The following CRKL variants were observed in gnomAD, a reference collection of about 807,000 sequenced individuals.
CRKL encodes the protein CRK like proto-oncogene, adaptor protein.
CRKL carries 3 observed loss-of-function variants against 23.0 expected under a neutral mutation model. The observed-to-expected ratio is 0.13, with a 90% CI of 0.06 to 0.34. The LOEUF (loss-of-function observed/expected upper bound fraction) is 0.34, where lower values mean the gene tolerates loss of function less well. Among genes scored for constraint, CRKL ranks in the 10% least tolerant of loss-of-function variants. The probability of loss-of-function intolerance (pLI) is 1.00; values close to 1 mark genes in which losing one functional copy is unlikely to be tolerated. For missense variants in CRKL, 256 were observed against 394.5 expected (o/e 0.65, Z 2.97); for synonymous variants, 188 against 160.7 (o/e 1.17, Z -1.28).
chr22:20,931,321 C>G (rs1448878029), intron 1 of CRKL, among the ~76,000 whole-genome samples: 1 of 152,126 alleles, frequency 6.6e-6, no homozygotes. Flanking sequence ...GTGGGAGGAT[C>G]ACTTGAGCTT....
In CRKL at chr22:20,941,760, G is replaced by C. The variant is rs373681471; in HGVS notation, c.777+7516G>C. On this transcript the variant is annotated intron_variant, in intron 2 of 2. Coordinates refer to ENST00000354336, the MANE Select transcript of CRKL (RefSeq NM_005207.4). ...AGGTGCCCGCCACCAGGCCGGGCTA[G>C]TTTTTGTATTTCTAGTAGAGATGGG... is the stretch of plus-strand genomic sequence containing the variant. 3.7e-4 allele frequency among the ~76,000 whole-genome samples: 56 copies of C among 150,980 alleles called. 1 individual carries two copies. Among genetic ancestry groups the C allele is most frequent in the African/African-American group, 1.3e-3 (55 of 41,108 alleles).
chr22:20,923,606 T>C (rs1921073668), intron 1 of CRKL, among the ~76,000 whole-genome samples: 1 of 129,602 alleles, frequency 7.7e-6, no homozygotes, highest in African/African-American at 3.0e-5. Context: ...GACAGAGTCT[T>C]GCTCTGTTGC....
intron 1 of CRKL, among the ~76,000 whole-genome samples, chr22:20,931,784 G>A (rs1216519925): frequency 1.3e-5 from 2 of 151,992 alleles, no homozygotes; most frequent in Non-Finnish European, 2.9e-5. Flanking sequence ...TACTACTCTT[G>A]CTAGCTATTT....
intron 2 of CRKL, among the ~76,000 whole-genome samples, chr22:20,936,255 C>T (rs972399810): frequency 6.6e-6 from 1 of 152,200 alleles, no homozygotes; most frequent in Non-Finnish European, 1.5e-5. Flanking sequence ...AATCCTGACT[C>T]ACCAAACAGC....
intron 1 of CRKL, among the ~76,000 whole-genome samples, 157 bp from the exon 2 acceptor site, chr22:20,933,622 C>T (rs913407788): frequency 1.3e-5 from 2 of 151,774 alleles, no homozygotes; most frequent in South Asian, 2.1e-4. Flanking sequence ...GAGCTAAGAT[C>T]ACGCTATTGC....
chr22:20,917,692 C>T lies in CRKL; in HGVS notation c.-243C>T, dbSNP rs1023934457. On this transcript the variant is annotated 5_prime_UTR_variant, in exon 1 of 3. Coordinates refer to ENST00000354336, the MANE Select transcript of CRKL (RefSeq NM_005207.4). ...GGCTCGGGTTTGCCTGCCCCGACCC[C>T]CCGGCTCTGCCGTGCATTCCCGGGC... The T allele has an allele frequency of 5.6e-5, 30 of 538,812 alleles. No homozygotes were observed. The highest frequency in any genetic ancestry group is 5.0e-4 in the African/African-American group (25 of 49,776). The allele number at this position is 538,812 out of a possible 1,614,324, so 33.4% of individuals were successfully genotyped here.
chr22:20,940,913 G>T (rs1921847905), intron 2 of CRKL, among the ~76,000 whole-genome samples: 1 of 151,984 alleles, frequency 6.6e-6, no homozygotes, highest in South Asian at 2.1e-4. Flanking sequence ...TGCTGCATCT[G>T]CTTGCTGAGG....
At position 20,950,815 on chromosome 22, in the gene CRKL, C is replaced by CCTG. The variant is rs2147919684; in HGVS notation, c.*970_*971insCTG. The CCTG allele has an allele frequency of 4.4e-6, 1 of 229,618 alleles. No individual in the cohort carries two copies. Among genetic ancestry groups the CCTG allele is most frequent in the Non-Finnish European group, 8.6e-6 (1 of 115,830 alleles). The allele number at this position is 229,618 out of a possible 1,614,324, so 14.2% of individuals were successfully genotyped here. On this transcript the variant is annotated 3_prime_UTR_variant, in exon 3 of 3. Transcript: ENST00000354336. ...AGCTTCTAAACTGAAGCTGCTGTAA[C>CCTG]TAAAGGAATCTGAAAAGAACAACCC...
rs1466047261 is a variant in CRKL at position 20,917,453 on chromosome 22, C to T, written c.-482C>T. ...GAGGGGGAGGTGGCTGCCGCTTCTC[C>T]CGCGTCCGCCATTTTGTTGCTGTGG... On this transcript the variant is annotated 5_prime_UTR_variant, in exon 1 of 3. Transcript: ENST00000354336. 5 of 230,080 alleles carry T rather than the reference C, an allele frequency of 2.2e-5. No homozygotes were observed. Among genetic ancestry groups the T allele is most frequent in the Non-Finnish European group, 3.4e-5 (4 of 116,068 alleles). 14.3% of individuals were successfully genotyped at this position (230,080 alleles called of 1,614,324 possible).
intron 2 of CRKL, among the ~76,000 whole-genome samples, chr22:20,934,805 ATTTTTTTTTTTT>A (rs67055933): frequency 1.0e-5 from 1 of 98,528 alleles, no homozygotes. Flanking sequence ...AGAGGAATGA[ATTTTTTTTTTTT>A]TTTTTTTTTT....
chr22:20,938,880 C>T (rs180883568), intron 2 of CRKL, among the ~76,000 whole-genome samples: 67 of 152,244 alleles, frequency 4.4e-4, no homozygotes, highest in African/African-American at 1.5e-3. Context: ...ATTGGTGACA[C>T]AAGCTGGGGA....
At chr22:20,932,953 A>G (rs898480779) in intron 1 of CRKL, among the ~76,000 whole-genome samples, 5 of 152,014 alleles carry the variant, frequency 3.3e-5, no homozygotes, top group African/African-American at 1.2e-4. Flanking sequence ...GGTGTTGCAC[A>G]TCTGTAATCT....
intron 2 of CRKL, among the ~76,000 whole-genome samples, chr22:20,938,505 C>T (rs1921745604): frequency 6.6e-6 from 1 of 152,088 alleles, no homozygotes; most frequent in Admixed American, 6.6e-5. Flanking sequence ...ACAGCCAGGG[C>T]AGTGGGCTGT....
rs1162025391 is a variant in CRKL, at chr22:20,952,717, C to T, written c.*2872C>T. 1.7e-5 allele frequency: 4 copies of T among 231,484 alleles called. No individual in the cohort carries two copies. Among genetic ancestry groups the T allele is most frequent in the African/African-American group, 8.8e-5 (4 of 45,218 alleles). 14.3% of individuals were successfully genotyped at this position (231,484 alleles called of 1,614,324 possible). A position where few individuals can be genotyped will look rare whatever the true frequency, so the allele number is the denominator to read the frequency against. On this transcript the variant is annotated 3_prime_UTR_variant, in exon 3 of 3. Coordinates refer to ENST00000354336, the MANE Select transcript of CRKL (RefSeq NM_005207.4). Reference sequence around the variant, plus strand: ...GAAATATTTGGATGTTAAATTAACTCACTATGGTTTTTCACCTGGGAAGGA... The same window carrying T: ...GAAATATTTGGATGTTAAATTAACTTACTATGGTTTTTCACCTGGGAAGGA...
At chr22:20,943,474 A>T (rs1921949431) in intron 2 of CRKL, among the ~76,000 whole-genome samples, 1 of 152,084 alleles carries the variant, frequency 6.6e-6, no homozygotes, top group African/African-American at 2.4e-5. Context: ...TCCTAAAGTG[A>T]GGTGATCCAC....
At chr22:20,933,217 A>G (rs1921519669) in intron 1 of CRKL, among the ~76,000 whole-genome samples, 1 of 151,956 alleles carries the variant, frequency 6.6e-6, no homozygotes, top group African/African-American at 2.4e-5. Flanking sequence ...AAAAATAGAA[A>G]AAATTAGCGG....
chr22:20,927,871 A>G (rs1187292923), intron 1 of CRKL, among the ~76,000 whole-genome samples: 1 of 148,604 alleles, frequency 6.7e-6, no homozygotes, highest in Non-Finnish European at 1.5e-5. Flanking sequence ...AAAAAAGGAA[A>G]AAGAGTAAGC....
At chr22:20,947,413 A>G (rs1922103908) in intron 2 of CRKL, among the ~76,000 whole-genome samples, 2 of 149,630 alleles carry the variant, frequency 1.3e-5, no homozygotes, top group Admixed American at 1.3e-4. Flanking sequence ...GCTCACTGCA[A>G]CCTCCACCTC....
At chr22:20,938,003 G>A (rs1448898382) in intron 2 of CRKL, among the ~76,000 whole-genome samples, 1 of 152,086 alleles carries the variant, frequency 6.6e-6, no homozygotes, top group African/African-American at 2.4e-5. Context: ...CTGAGTAGCT[G>A]GGGTAAATGT....
Sources: gnomAD v4.1 joint callset for allele counts (sites outside exome capture counted in the v4.1 genomes callset) on GRCh38, gnomAD v4.1.1 for gene constraint, MANE v1.5 for transcripts, NCBI Gene and HGNC (gene_info 2026-07-23, HGNC 2026-07-21) for gene names.